The following LY75 variants were observed in gnomAD, a reference collection of about 807,000 sequenced individuals.
LY75 encodes the protein C-type lectin domain family 13 member B.
A neutral mutation model predicts 231.7 loss-of-function variants in LY75; 185 were observed. That is an observed-to-expected ratio of 0.80 (90% CI 0.71 to 0.90). The LOEUF is 0.90. Ranked by LOEUF, LY75 falls within the 40% of genes least tolerant of loss-of-function variation. The pLI, the probability that LY75 is intolerant of heterozygous loss-of-function variation, is 0.00. For missense variants in LY75, 1,947 were observed against 2,050.2 expected (o/e 0.95, Z 0.97); for synonymous variants, 668 against 689.0 (o/e 0.97, Z 0.48).
intron 25 of LY75, among the ~76,000 whole-genome samples, chr2:159,836,756 T>C (rs1391102281): frequency 1.3e-5 from 2 of 152,230 alleles, no homozygotes; most frequent in Non-Finnish European, 2.9e-5. Flanking sequence ...CCTAACCCAG[T>C]TAGGGCCTAA....
rs1345583516 is a variant in LY75, at chr2:159,840,968, GA to G, written c.3281-14del. 3 of 1,611,156 alleles carry G rather than the reference GA, an allele frequency of 1.9e-6. No homozygotes were observed. Among genetic ancestry groups the G allele is most frequent in the East Asian group, 2.2e-5 (1 of 44,874 alleles). On this transcript the variant is annotated splice_polypyrimidine_tract_variant and intron_variant, in intron 24 of 34. Transcript: ENST00000263636. ...CTGCTTTTAACTTCTGCATGTAAAAGAAAACAACAACAACAACAAACCCTTC... is the reference window on the plus strand; with the variant it reads ...CTGCTTTTAACTTCTGCATGTAAAAGAAACAACAACAACAACAAACCCTTC...
intron 3 of LY75, among the ~76,000 whole-genome samples, chr2:159,890,587 T>G (rs1231172275): frequency 6.6e-6 from 1 of 152,180 alleles, no homozygotes; most frequent in Non-Finnish European, 1.5e-5. Context: ...CTTCCACTCT[T>G]TCTTATTTTC....
At chr2:159,824,146 C>T (rs111685202) in intron 28 of LY75, among the ~76,000 whole-genome samples, 5 of 152,228 alleles carry the variant, frequency 3.3e-5, no homozygotes, top group African/African-American at 9.6e-5. Context: ...TTAAAACACA[C>T]GACTGGCAAA....
rs115498880 is a variant in LY75, at chr2:159,831,958, G to A, written c.3842-172C>T. ...TTATCCCATTGTACTAAAATTAATA[G>A]GTTAAGGAGTTTTCAAATGTTTTGA... is the stretch of plus-strand genomic sequence containing the variant. On this transcript the variant is annotated intron_variant, in intron 27 of 34. Coordinates refer to ENST00000263636, the MANE Select transcript of LY75 (RefSeq NM_002349.4). Among the ~76,000 whole-genome samples, 850 of 152,220 alleles carry A rather than the reference G, an allele frequency of 5.6e-3. 8 individuals are homozygous for A. Among genetic ancestry groups the A allele is most frequent in the Non-Finnish European group, 9.7e-3 (658 of 68,008 alleles).
chr2:159,879,420 T>C, intron 8 of LY75, 51 bp from the exon 9 acceptor site: 2 of 1,605,788 alleles, frequency 1.2e-6, no homozygotes, highest in Non-Finnish European at 1.7e-6. Flanking sequence ...ATTTACCGCA[T>C]ATTCAGAACT....
At chr2:159,806,336 T>C (rs912291979) in intron 34 of LY75, among the ~76,000 whole-genome samples, 4 of 152,194 alleles carry the variant, frequency 2.6e-5, no homozygotes, top group African/African-American at 9.7e-5. Flanking sequence ...TATACATGGA[T>C]ACTGATTACC....
At position 159,890,199 on chromosome 2, in the gene LY75, C is replaced by T. The variant is rs771169740; in HGVS notation, c.802+14G>A. 1 of 1,604,262 alleles carries T rather than the reference C, an allele frequency of 6.2e-7. No individual in the cohort carries two copies. Among genetic ancestry groups the T allele is most frequent in the Non-Finnish European group, 8.5e-7 (1 of 1,175,724 alleles). On this transcript the variant is annotated intron_variant, in intron 4 of 34. Transcript: ENST00000263636. ...TTTAGCCAATTTGCTCTATCACATGCAAATAAAATCTACCTTTAAGGTAAG... is the reference window on the plus strand; with the variant it reads ...TTTAGCCAATTTGCTCTATCACATGTAAATAAAATCTACCTTTAAGGTAAG...
Position 159,898,950 on chromosome 2 carries a change from C to T in LY75, c.204G>A (p.Lys68=). The T allele has an allele frequency of 6.2e-7, 1 of 1,614,254 alleles. No homozygotes were observed. The highest frequency in any genetic ancestry group is 8.5e-7 in the Non-Finnish European group (1 of 1,180,044). ...DCDETEDKLW[K]WVSQHRLFHL... ...GAAAGAGCCGATGCTGGGACACCCA[C>T]TTCCATAACTTGTCCTCAGTTTCAT... The change falls in exon 2 of 35, where the codon AAG becomes AAA. Residue 68 remains lysine (K), a synonymous_variant. Transcript: ENST00000263636.
At chr2:159,844,607 G>C (rs1347431259) in intron 23 of LY75, among the ~76,000 whole-genome samples, 1 of 151,876 alleles carries the variant, frequency 6.6e-6, no homozygotes, top group African/African-American at 2.4e-5. Flanking sequence ...ATAGGAACGA[G>C]GGTCACTGTT....
chr2:159,853,176 A>C, intron 20 of LY75, 97 bp downstream of exon 20: 1 of 1,280,628 alleles, frequency 7.8e-7, no homozygotes, highest in Non-Finnish European at 1.1e-6. Context: ...GAAATTACCA[A>C]ACATATAATT....
intron 25 of LY75, among the ~76,000 whole-genome samples, chr2:159,835,926 C>T (rs559100875): frequency 6.6e-6 from 1 of 152,212 alleles, no homozygotes; most frequent in South Asian, 2.1e-4. Context: ...GAATACAAAC[C>T]ACAGTGCTGG....
intron 22 of LY75, 56 bp from the exon 23 acceptor site, chr2:159,850,196 A>T: frequency 1.3e-6 from 2 of 1,542,956 alleles, no homozygotes; most frequent in Admixed American, 2.1e-5. Context: ...AAGATACATT[A>T]AAAATGTCAA....
intron 29 of LY75, among the ~76,000 whole-genome samples, chr2:159,817,489 C>T (rs1030408277): frequency 4.6e-5 from 7 of 152,084 alleles, no homozygotes; most frequent in East Asian, 1.9e-4. Flanking sequence ...GCCACAATGA[C>T]GAGGTTATTT....
At chr2:159,860,489 T>C (rs979651392) in intron 15 of LY75, among the ~76,000 whole-genome samples, 21 of 152,296 alleles carry the variant, frequency 1.4e-4, no homozygotes, top group African/African-American at 4.3e-4. Flanking sequence ...AGAAACTCTA[T>C]CCATCCTTAA....
intron 27 of LY75, 132 bp from the exon 28 acceptor site, chr2:159,831,918 A>T (rs538906894): frequency 8.7e-6 from 6 of 693,038 alleles, no homozygotes; most frequent in Non-Finnish European, 1.3e-5. Flanking sequence ...AATTAGAAAC[A>T]TATGTAAAAT....
chr2:159,815,473 T>C lies in LY75; in HGVS notation c.4481A>G (p.Lys1494Arg). 6.2e-7 allele frequency: 1 copy of C among 1,613,764 alleles called. No homozygotes were observed. Among genetic ancestry groups the C allele is most frequent in the Non-Finnish European group, 8.5e-7 (1 of 1,179,920 alleles). The change falls in exon 31 of 35, where the codon AAA becomes AGA. Residue 1494 changes from lysine (K) to arginine (R), a missense_variant. By Grantham distance (26) the Lys-to-Arg change is conservative. Coordinates refer to ENST00000263636, the MANE Select transcript of LY75 (RefSeq NM_002349.4). ...GCATTTTTCATGTTTCCAAGTTCCT[T>C]TTGGATCCAAGAGAACACAATTTCC... ...SPGNCVLLDP[K>R]GTWKHEKCNS...
At chr2:159,879,116 CT>C in intron 9 of LY75, 142 bp downstream of exon 9, 2 of 921,308 alleles carry the variant, frequency 2.2e-6, no homozygotes, top group Non-Finnish European at 1.6e-6. Context: ...GACTCACTGC[CT>C]TCTGGCTTGT....
Position 159,878,780 on chromosome 2 carries a change from G to A in LY75, c.1516-59C>T, listed in dbSNP as rs960819324. 12 of 1,577,668 alleles carry A rather than the reference G, an allele frequency of 7.6e-6. No homozygotes were observed. The South Asian group carries it at 1.3e-4, about 18-fold the overall frequency. On this transcript the variant is annotated intron_variant, in intron 9 of 34. Coordinates refer to ENST00000263636, the MANE Select transcript of LY75 (RefSeq NM_002349.4). ...TCCAGACTTGATGGTGTCCCGTCTG[G>A]CAAGCATGTTTCTGCTACATTGATA... is the stretch of plus-strand genomic sequence containing the variant.
chr2:159,804,993 G>A lies in LY75; in HGVS notation c.*51C>T. The A allele has an allele frequency of 7.0e-7, 1 of 1,438,678 alleles. No individual in the cohort carries two copies. Among genetic ancestry groups the A allele is most frequent in the Non-Finnish European group, 9.7e-7 (1 of 1,030,608 alleles). The allele number at this position is 1,438,678 out of a possible 1,614,324, so 89.1% of individuals were successfully genotyped here. A position where few individuals can be genotyped will look rare whatever the true frequency, so the allele number is the denominator to read the frequency against. On this transcript the variant is annotated 3_prime_UTR_variant, in exon 35 of 35. Coordinates refer to ENST00000263636, the MANE Select transcript of LY75 (RefSeq NM_002349.4). The stretch of plus-strand genomic sequence containing the variant: ...ATACTGACACTGGGACATTTTAAGT[G>A]ACTAATTTCTCATAACACATTAGTG...
Sources: allele counts gnomAD v4.1 joint callset (sites outside exome capture counted in the v4.1 genomes callset), GRCh38; gene constraint gnomAD v4.1.1; transcripts MANE v1.5; gene names NCBI Gene and HGNC (gene_info 2026-07-23, HGNC 2026-07-21).